SLC67A1: variants seen among roughly 807,000 people sequenced by gnomAD.
SLC67A1 encodes solute carrier family 67 member A1.
At chr11:2,909,415 C>T in the SLC67A1 span, 4 of 1,478,574 alleles carry the variant, frequency 2.7e-6, no homozygotes, top group African/African-American at 1.5e-5. Context: ...CTGCGGAGGA[C>T]CCGGGACACC....
chr11:2,905,167 G>A, the SLC67A1 span, among the ~76,000 whole-genome samples: 2 of 152,206 alleles, frequency 1.3e-5, no homozygotes, highest in South Asian at 4.1e-4. Flanking sequence ...CAGCACAGAG[G>A]CTCTGGGGCC....
the SLC67A1 span, among the ~76,000 whole-genome samples, chr11:2,915,434 T>C: frequency 1.2e-4 from 19 of 152,166 alleles, no homozygotes; most frequent in Non-Finnish European, 2.1e-4. Context: ...TGGGTGCCTG[T>C]GCCCTGAGGC....
chr11:2,911,140 C>T, the SLC67A1 span, among the ~76,000 whole-genome samples: 1 of 152,120 alleles, frequency 6.6e-6, no homozygotes, highest in Non-Finnish European at 1.5e-5. Flanking sequence ...TGGACCAGCA[C>T]CACCCCCTCA....
chr11:2,903,081 C>T, the SLC67A1 span: 33 of 654,594 alleles, frequency 5.0e-5, no homozygotes, highest in African/African-American at 3.4e-4. Context: ...CTCCCCTCCC[C>T]GGGAGGCTGT....
At chr11:2,919,489 CGGCGG>C in the SLC67A1 span, 8 of 1,032,288 alleles carry the variant, frequency 7.7e-6, no homozygotes, top group Non-Finnish European at 1.2e-5. Context: ...GGCTCCTCCC[CGGCGG>C]AGGCTGGGGA....
chr11:2,916,801 C>T, the SLC67A1 span: 2 of 1,460,508 alleles, frequency 1.4e-6, no homozygotes, highest in Non-Finnish European at 1.9e-6. Context: ...TTGGCTAGGC[C>T]TGCGTGCTCC....
chr11:2,918,842 C>T, the SLC67A1 span: 2 of 159,866 alleles, frequency 1.3e-5, no homozygotes, highest in Admixed American at 6.4e-5. Context: ...GGACTACAGG[C>T]ATGGGCCACC....
chr11:2,905,977 G>T, the SLC67A1 span, among the ~76,000 whole-genome samples: 1 of 152,246 alleles, frequency 6.6e-6, no homozygotes, highest in Non-Finnish European at 1.5e-5. Flanking sequence ...GAGGCAAAAG[G>T]TTGGGATGTG....
the SLC67A1 span, chr11:2,921,931 G>C: frequency 1.5e-6 from 1 of 650,552 alleles, no homozygotes; most frequent in African/African-American, 1.8e-5. Flanking sequence ...CACTGCTGGC[G>C]GAGTAGGGAG....
At chr11:2,917,744 G>C in the SLC67A1 span, among the ~76,000 whole-genome samples, 8 of 152,372 alleles carry the variant, frequency 5.3e-5, no homozygotes, top group South Asian at 1.2e-3. Context: ...CTTTTCCTAA[G>C]TGCCTCTGGG....
At chr11:2,899,899 C>T in the SLC67A1 span, 12 of 575,214 alleles carry the variant, frequency 2.1e-5, no homozygotes, top group African/African-American at 1.9e-4. Flanking sequence ...CATCCCATCT[C>T]CTCCTGCCGC....
the SLC67A1 span, chr11:2,917,936 G>A: frequency 7.0e-7 from 1 of 1,430,600 alleles, no homozygotes. Context: ...CGGGCGAGGG[G>A]TGGGCATTGG....
chr11:2,915,865 CT>C, the SLC67A1 span, among the ~76,000 whole-genome samples: 1 of 152,234 alleles, frequency 6.6e-6, no homozygotes, highest in East Asian at 1.9e-4. Flanking sequence ...CTTCAGGTGC[CT>C]CCGTCCCCAG....
At chr11:2,919,104 G>A in the SLC67A1 span, 5 of 585,176 alleles carry the variant, frequency 8.5e-6, no homozygotes, top group South Asian at 2.2e-5. Context: ...GCAACCACAC[G>A]AGAGGCACTT....
the SLC67A1 span, among the ~76,000 whole-genome samples, chr11:2,924,125 G>A: frequency 2.6e-4 from 39 of 152,364 alleles, no homozygotes; most frequent in Non-Finnish European, 4.3e-4. The surrounding 1 kb of genome is among the most constrained non-coding windows in gnomAD (Gnocchi z 8.6). Flanking sequence ...CTTGTTGCCC[G>A]AGTGTTGACA....
chr11:2,921,334 T>A, the SLC67A1 span: 1 of 152,150 alleles, frequency 6.6e-6, no homozygotes, highest in Non-Finnish European at 1.5e-5. Context: ...TGGAAGCAGT[T>A]TCTGTTCTGC....
At chr11:2,916,294 G>A in the SLC67A1 span, 10 of 301,710 alleles carry the variant, frequency 3.3e-5, no homozygotes, top group Admixed American at 1.5e-4. Context: ...CTTGGCCAGC[G>A]TGGGAGCTGC....
At chr11:2,903,372 C>G in the SLC67A1 span, 1 of 1,613,026 alleles carries the variant, frequency 6.2e-7, no homozygotes, top group Non-Finnish European at 8.5e-7. Context: ...CTCCCAGGGA[C>G]CAGGGCCGGT....
chr11:2,918,205 G>A, the SLC67A1 span: 8 of 798,158 alleles, frequency 1.0e-5, no homozygotes, highest in Non-Finnish European at 1.6e-5. Context: ...CACAGATGTG[G>A]TAGAGCAGGC....
Sources: gnomAD v4.1 joint callset for allele counts (sites outside exome capture counted in the v4.1 genomes callset) on GRCh38, gnomAD v4.1.1 for gene constraint, Gnocchi (gnomAD v3.1) non-coding constraint, MANE v1.5 for transcripts, NCBI Gene and HGNC (gene_info 2026-07-23, HGNC 2026-07-21) for gene names.